Variants in ZDHHC2 observed in about 807,000 individuals in gnomAD.
The protein encoded by ZDHHC2 is palmitoyltransferase ZDHHC2.
Under a neutral mutation model 55.6 loss-of-function variants are expected in ZDHHC2, and 51 were observed. The ratio of observed to expected loss-of-function variants is 0.92; its 90% CI spans 0.73 to 1.16. The LOEUF is 1.16. Ranked by LOEUF, ZDHHC2 falls within the 50% of genes most tolerant of loss-of-function variation. The probability of loss-of-function intolerance (pLI) is 0.00; values close to 1 mark genes in which losing one functional copy is unlikely to be tolerated. For missense variants in ZDHHC2, 491 were observed against 442.4 expected, an observed-to-expected ratio of 1.11 and a Z score of -0.99; for synonymous variants, 199 against 152.9, an observed-to-expected ratio of 1.30 and a Z score of -2.22.
intron 7 of ZDHHC2, 147 bp from the exon 8 acceptor site, chr8:17,207,813 C>T (rs1807180809): frequency 1.8e-6 from 1 of 552,824 alleles, no homozygotes; most frequent in African/African-American, 2.0e-5. Context: ...CATATTTTTC[C>T]TAAAGTTTTA....
chr8:17,172,154 C>T (rs1009033373), intron 1 of ZDHHC2, among the ~76,000 whole-genome samples: 2 of 152,136 alleles, frequency 1.3e-5, no homozygotes, highest in African/African-American at 4.8e-5. Context: ...TCCATTTATC[C>T]TTTTAACTTT....
chr8:17,217,563 T>C (rs756372079), intron 12 of ZDHHC2, among the ~76,000 whole-genome samples: 30 of 152,182 alleles, frequency 2.0e-4, no homozygotes, highest in Non-Finnish European at 3.5e-4. Flanking sequence ...TGTCATTTTA[T>C]AGGAAGTTAG....
intron 1 of ZDHHC2, among the ~76,000 whole-genome samples, chr8:17,174,863 A>T (rs1805051270): frequency 1.3e-5 from 2 of 151,710 alleles, no homozygotes; most frequent in South Asian, 4.2e-4. Context: ...GGTGTGCGCC[A>T]CCACACCCAG....
At chr8:17,208,801 CA>C (rs1807232079) in intron 8 of ZDHHC2, among the ~76,000 whole-genome samples, 1 of 152,088 alleles carries the variant, frequency 6.6e-6, no homozygotes, top group African/African-American at 2.4e-5. Context: ...TGTAATTCAT[CA>C]AAAGCAAATT....
rs1313509559 is a variant in ZDHHC2, at chr8:17,199,527, G to A, written c.476+1114G>A. ...CTTCTTCTTCTTCGTCTTCGTCTTC[G>A]TCTTCTGTCTTCGTCTTCTGTCTTC... is the stretch of plus-strand genomic sequence containing the variant. On this transcript the variant is annotated intron_variant, in intron 6 of 12. Coordinates refer to ENST00000262096, the MANE Select transcript of ZDHHC2 (RefSeq NM_016353.5). 9.1e-4 allele frequency among the ~76,000 whole-genome samples: 27 copies of A among 29,712 alleles called. 2 individuals carry two copies. The highest frequency in any genetic ancestry group is 2.0e-3 in the Non-Finnish European group (19 of 9,464). 19.5% of individuals were successfully genotyped at this position (29,712 alleles called of 152,430 possible).
At chr8:17,189,481 C>G (rs1444485681) in intron 3 of ZDHHC2, among the ~76,000 whole-genome samples, 1 of 152,196 alleles carries the variant, frequency 6.6e-6, no homozygotes, top group East Asian at 1.9e-4. Context: ...AAAGCAGTGT[C>G]TGACCTATAG....
At chr8:17,177,899 T>A (rs1287681297) in intron 1 of ZDHHC2, among the ~76,000 whole-genome samples, 1 of 152,042 alleles carries the variant, frequency 6.6e-6, no homozygotes, top group Non-Finnish European at 1.5e-5. Context: ...AAATTATTCC[T>A]CCAAAGGAGA....
intron 8 of ZDHHC2, 103 bp from the exon 9 acceptor site, chr8:17,209,829 T>G: frequency 1.5e-6 from 2 of 1,353,580 alleles, no homozygotes; most frequent in Non-Finnish European, 2.0e-6. Flanking sequence ...AGCTAGCCAT[T>G]GATTTTCAGA....
chr8:17,188,297 G>A (rs1007465649), intron 3 of ZDHHC2, among the ~76,000 whole-genome samples: 2 of 151,932 alleles, frequency 1.3e-5, no homozygotes, highest in South Asian at 2.1e-4. Context: ...CCAATGTAAC[G>A]CCTTCCCTCT....
chr8:17,209,774 C>T (rs1177886416), intron 8 of ZDHHC2, among the ~76,000 whole-genome samples, 158 bp from the exon 9 acceptor site: 2 of 152,124 alleles, frequency 1.3e-5, no homozygotes, highest in African/African-American at 4.8e-5. Context: ...AGAATGGACA[C>T]CCTATATTTC....
rs185860346 is a variant in ZDHHC2 at position 17,176,740 on chromosome 8, C to T, written c.131-8049C>T. Among the ~76,000 whole-genome samples the T allele has an allele frequency of 2.9e-4, 44 of 151,428 alleles. No homozygotes were observed. The East Asian group carries it at 6.8e-3, about 23-fold the overall frequency. On this transcript the variant is annotated intron_variant, in intron 1 of 12. Coordinates refer to ENST00000262096, the MANE Select transcript of ZDHHC2 (RefSeq NM_016353.5). ...GAAGCATCATGCACAAGAGGAAAGA[C>T]GTGTGAGGTGAGTTTGGAGAGAAAG...
intron 6 of ZDHHC2, among the ~76,000 whole-genome samples, chr8:17,199,503 T>TTCGTCTTCGTCTTCGTCTTCGTCTTCG (rs1402172161): frequency 3.5e-4 from 22 of 63,236 alleles, no homozygotes; most frequent in African/African-American, 1.0e-3. Context: ...CTTCTTCTTC[T>TTCGTCTTCGTCTTCGTCTTCGTCTTCG]TCTTCTTCTT....
chr8:17,159,409 C>G (rs1307574675), intron 1 of ZDHHC2, among the ~76,000 whole-genome samples: 1 of 152,176 alleles, frequency 6.6e-6, no homozygotes, highest in Non-Finnish European at 1.5e-5. Flanking sequence ...GTGATTTACC[C>G]TGGTCCTCCT....
chr8:17,180,628 A>G (rs757275395), intron 1 of ZDHHC2, among the ~76,000 whole-genome samples: 3 of 152,152 alleles, frequency 2.0e-5, no homozygotes, highest in Non-Finnish European at 4.4e-5. Context: ...TGTTAAGTAC[A>G]TTGTTTTATT....
At chr8:17,199,562 T>TTCGTCTTCTGTCTTCG in intron 6 of ZDHHC2, among the ~76,000 whole-genome samples, 1 of 80,786 alleles carries the variant, frequency 1.2e-5, no homozygotes, top group East Asian at 3.0e-4. Context: ...CGTCTTCGTC[T>TTCGTCTTCTGTCTTCG]TCTTCGTCTT....
intron 3 of ZDHHC2, among the ~76,000 whole-genome samples, chr8:17,192,505 T>C (rs1563156041): frequency 6.6e-6 from 1 of 152,246 alleles, no homozygotes; most frequent in Non-Finnish European, 1.5e-5. Context: ...TCGAGCTCCT[T>C]ATACATTCTG....
intron 2 of ZDHHC2, 29 bp downstream of exon 2, chr8:17,184,844 T>A: frequency 6.6e-7 from 1 of 1,517,980 alleles, no homozygotes; most frequent in Non-Finnish European, 8.8e-7. Context: ...ATGTTATAGA[T>A]TTTTTAAATA....
intron 8 of ZDHHC2, among the ~76,000 whole-genome samples, chr8:17,208,599 G>A (rs1012689845): frequency 6.6e-6 from 1 of 152,060 alleles, no homozygotes; most frequent in African/African-American, 2.4e-5. Flanking sequence ...GTGAGCTTCA[G>A]TTATTATAAT....
chr8:17,215,126 TG>T, intron 10 of ZDHHC2, 110 bp from the exon 11 acceptor site: 1 of 839,382 alleles, frequency 1.2e-6, no homozygotes, highest in East Asian at 2.7e-5. Flanking sequence ...GGGTACCTCC[TG>T]CATCATCTTG....
Sources: allele counts gnomAD v4.1 joint callset (sites outside exome capture counted in the v4.1 genomes callset), GRCh38; gene constraint gnomAD v4.1.1; transcripts MANE v1.5; gene names NCBI Gene and HGNC (gene_info 2026-07-23, HGNC 2026-07-21).